The following CEP63 variants were observed in gnomAD, a reference collection of about 807,000 sequenced individuals.
The protein encoded by CEP63 is centrosomal protein 63.
Under a neutral mutation model 89.1 loss-of-function variants are expected in CEP63, and 84 were observed. The observed-to-expected ratio is 0.94, with a 90% confidence interval of 0.79 to 1.13. The LOEUF (loss-of-function observed/expected upper bound fraction) is 1.13. Ranked by LOEUF, CEP63 falls within the 50% of genes most tolerant of loss-of-function variation. The probability of loss-of-function intolerance (pLI) is 0.00; values close to 1 mark genes in which losing one functional copy is unlikely to be tolerated. For missense variants in CEP63, 838 were observed against 813.3 expected, an observed-to-expected ratio of 1.03 and a Z score of -0.37; for synonymous variants, 267 against 272.5, an observed-to-expected ratio of 0.98 and a Z score of 0.20.
intron 14 of CEP63, 135 bp downstream of exon 14, chr3:134,559,564 T>C (rs1464815234): frequency 4.0e-6 from 3 of 751,654 alleles, no homozygotes; most frequent in Non-Finnish European, 6.4e-6. Context: ...TATTCTTAGG[T>C]ATCCCTGTCA....
chr3:134,770,347 A>G, the CEP63 span, among the ~76,000 whole-genome samples: 3 of 152,236 alleles, frequency 2.0e-5, no homozygotes, highest in Non-Finnish European at 4.4e-5. Context: ...GAATCCTAGC[A>G]TACTTTTTCT....
chr3:134,782,324 G>A, the CEP63 span, among the ~76,000 whole-genome samples: 1 of 152,084 alleles, frequency 6.6e-6, no homozygotes, highest in Non-Finnish European at 1.5e-5. Flanking sequence ...TCTTTTTTTG[G>A]TGGGTAGATT....
intron 1 of CEP63, among the ~76,000 whole-genome samples, chr3:134,493,818 A>G (rs1938612458): frequency 1.3e-5 from 2 of 152,206 alleles, no homozygotes; most frequent in African/African-American, 4.8e-5. Context: ...ACATTGAATT[A>G]CGTGTTGAGT....
chr3:134,777,330 A>G, the CEP63 span, among the ~76,000 whole-genome samples: 1 of 152,194 alleles, frequency 6.6e-6, no homozygotes, highest in East Asian at 1.9e-4. Context: ...AGCAGGATAA[A>G]TTGGCCTTAT....
chr3:134,548,869 G>A (rs1395465834), intron 9 of CEP63, among the ~76,000 whole-genome samples, 193 bp from the exon 10 acceptor site: 2 of 152,094 alleles, frequency 1.3e-5, no homozygotes, highest in South Asian at 4.1e-4. Flanking sequence ...TATTTTTGAC[G>A]TTGGGACAAC....
At chr3:134,668,122 A>C in the CEP63 span, among the ~76,000 whole-genome samples, 1 of 152,134 alleles carries the variant, frequency 6.6e-6, no homozygotes, top group Non-Finnish European at 1.5e-5. Context: ...ACAGACTTGC[A>C]GGAACCGCCT....
At chr3:134,722,238 A>C in the CEP63 span, among the ~76,000 whole-genome samples, 1 of 151,636 alleles carries the variant, frequency 6.6e-6, no homozygotes, top group African/African-American at 2.4e-5. Context: ...ATTTCATCCA[A>C]GTTATCTAAT....
the CEP63 span, among the ~76,000 whole-genome samples, chr3:134,754,164 A>ATC: frequency 6.6e-6 from 1 of 152,194 alleles, no homozygotes; most frequent in African/African-American, 2.4e-5. Context: ...GCTTGGCTGC[A>ATC]TCACACACAC....
chr3:134,686,649 C>G, the CEP63 span, among the ~76,000 whole-genome samples: 6 of 152,206 alleles, frequency 3.9e-5, no homozygotes, highest in Non-Finnish European at 7.3e-5. Context: ...AGGGCTGCTC[C>G]CAACTCAGGG....
rs138038928 is a variant in CEP63 at position 134,490,183 on chromosome 3, A to T, written c.-26+3981A>T. 4.2e-3 allele frequency among the ~76,000 whole-genome samples: 637 copies of T among 152,036 alleles called. 4 individuals carry two copies. Among genetic ancestry groups the T allele is most frequent in the African/African-American group, 0.013 (553 of 41,432 alleles). Reference sequence around the variant, plus strand: ...CCAGAGTTAGGAAATATTATATATTAAAAAAAACACAAATATGCAAAATTC... The same window carrying T: ...CCAGAGTTAGGAAATATTATATATTTAAAAAAACACAAATATGCAAAATTC... On this transcript the variant is annotated intron_variant, in intron 1 of 14. Coordinates refer to ENST00000675561, the MANE Select transcript of CEP63 (RefSeq NM_001353108.3).
intron 3 of CEP63, among the ~76,000 whole-genome samples, chr3:134,521,274 T>TACTA (rs1947392107): frequency 6.6e-6 from 1 of 152,182 alleles, no homozygotes. Flanking sequence ...AATACTAAGT[T>TACTA]ACTATAGGGG....
the CEP63 span, among the ~76,000 whole-genome samples, chr3:134,747,132 T>A: frequency 6.6e-6 from 1 of 152,182 alleles, no homozygotes; most frequent in Admixed American, 6.5e-5. Flanking sequence ...GTTTCAGCTT[T>A]CTACATATGA....
At chr3:134,692,023 A>G in the CEP63 span, among the ~76,000 whole-genome samples, 1 of 152,182 alleles carries the variant, frequency 6.6e-6, no homozygotes, top group Non-Finnish European at 1.5e-5. Context: ...ATTCTTTTAC[A>G]TGTACTGAAT....
chr3:134,711,795 C>G, the CEP63 span, among the ~76,000 whole-genome samples: 1 of 147,156 alleles, frequency 6.8e-6, no homozygotes, highest in Non-Finnish European at 1.5e-5. Flanking sequence ...CAGAGTCTTA[C>G]TCTGTTGCCC....
the CEP63 span, among the ~76,000 whole-genome samples, chr3:134,734,898 A>G: frequency 3.3e-5 from 5 of 152,294 alleles, no homozygotes; most frequent in Middle Eastern, 3.4e-3. Context: ...GGTCTCATCA[A>G]CATTGAAAAC....
chr3:134,522,693 A>G (rs903933095), intron 3 of CEP63, among the ~76,000 whole-genome samples: 1 of 152,036 alleles, frequency 6.6e-6, no homozygotes, highest in Non-Finnish European at 1.5e-5. Context: ...GCTCCCATTT[A>G]TAAGTGAGAA....
chr3:134,604,002 G>A, the CEP63 span: 1,226 of 1,613,838 alleles, frequency 7.6e-4, 8 homozygotes, highest in African/African-American at 0.015. Context: ...CTTTCAGCTC[G>A]GTCTGCTTCT....
At chr3:134,617,149 C>G in the CEP63 span, among the ~76,000 whole-genome samples, 140 of 152,256 alleles carry the variant, frequency 9.2e-4, no homozygotes, top group African/African-American at 3.2e-3. Context: ...TCTGGCATTC[C>G]TTCTACAGTA....
At chr3:134,508,823 T>C (rs1033487874) in intron 3 of CEP63, among the ~76,000 whole-genome samples, 5 of 152,164 alleles carry the variant, frequency 3.3e-5, no homozygotes, top group Admixed American at 3.3e-4. Flanking sequence ...GAATTGCAGC[T>C]CTCTGGTTAA....
Sources: allele counts gnomAD v4.1 joint callset (sites outside exome capture counted in the v4.1 genomes callset), GRCh38; gene constraint gnomAD v4.1.1; transcripts MANE v1.5; gene names NCBI Gene and HGNC (gene_info 2026-07-23, HGNC 2026-07-21).